Variants in CHLSN observed in about 807,000 individuals in gnomAD.
CHLSN encodes the protein cholesin.
the CHLSN span, among the ~76,000 whole-genome samples, chr7:1,082,881 T>A: frequency 3.9e-5 from 6 of 152,160 alleles, no homozygotes; most frequent in African/African-American, 1.4e-4. Flanking sequence ...TTTGCATTTA[T>A]CCAAAGAAAG....
chr7:1,016,978 A>AGCAGCGCACG, the CHLSN span, among the ~76,000 whole-genome samples: 1 of 64,528 alleles, frequency 1.5e-5, no homozygotes, highest in African/African-American at 9.0e-5. Flanking sequence ...GCCAGCACAC[A>AGCAGCGCACG]CCAGCGCACA....
chr7:1,041,906 CG>C, the CHLSN span, among the ~76,000 whole-genome samples: 4 of 152,106 alleles, frequency 2.6e-5, no homozygotes, highest in African/African-American at 9.7e-5. Flanking sequence ...GCTGACCTTC[CG>C]GACCGCCACT....
At chr7:1,126,826 G>A in the CHLSN span, among the ~76,000 whole-genome samples, 2 of 152,146 alleles carry the variant, frequency 1.3e-5, no homozygotes, top group Admixed American at 6.5e-5. Context: ...ATTTTCAAAC[G>A]GACAATAATC....
chr7:1,019,175 T>TA, the CHLSN span, among the ~76,000 whole-genome samples: 7 of 104,342 alleles, frequency 6.7e-5, no homozygotes, highest in Admixed American at 1.5e-4. Context: ...GCCTGGGCAA[T>TA]AGAGTGAGAC....
the CHLSN span, among the ~76,000 whole-genome samples, chr7:1,130,637 C>T: frequency 3.9e-5 from 6 of 152,282 alleles, no homozygotes; most frequent in East Asian, 7.7e-4. Context: ...CCTCTGCCGC[C>T]CCCACTGGGT....
At chr7:1,000,874 G>A in the CHLSN span, among the ~76,000 whole-genome samples, 2 of 152,332 alleles carry the variant, frequency 1.3e-5, no homozygotes, top group African/African-American at 4.8e-5. Context: ...GGGGAAGGAT[G>A]AAGTGAGTTT....
chr7:1,015,556 C>T, the CHLSN span, among the ~76,000 whole-genome samples: 1 of 152,212 alleles, frequency 6.6e-6, no homozygotes, highest in African/African-American at 2.4e-5. Context: ...GGGAGCAGAG[C>T]CTTCACCTAA....
chr7:1,052,974 A>G, the CHLSN span, among the ~76,000 whole-genome samples: 2 of 152,176 alleles, frequency 1.3e-5, no homozygotes, highest in African/African-American at 4.8e-5. The surrounding 1 kb of genome is among the most constrained non-coding windows in gnomAD (Gnocchi z 4.2). Context: ...CCCAGCCTCT[A>G]AGTCTCCCAT....
At chr7:1,070,792 C>A in the CHLSN span, among the ~76,000 whole-genome samples, 1 of 142,814 alleles carries the variant, frequency 7.0e-6, no homozygotes, top group East Asian at 2.0e-4. Context: ...CACGGACACG[C>A]ACGTGCACAC....
chr7:998,457 C>CTTTTTTTTTTTTTTTTT, the CHLSN span, among the ~76,000 whole-genome samples: 1 of 95,012 alleles, frequency 1.1e-5, no homozygotes, highest in Non-Finnish European at 2.0e-5. Flanking sequence ...GTCTTAGATT[C>CTTTTTTTTTTTTTTTTT]TTTTTTTTTT....
chr7:1,099,465 C>T, the CHLSN span, among the ~76,000 whole-genome samples: 1 of 152,258 alleles, frequency 6.6e-6, no homozygotes, highest in Non-Finnish European at 1.5e-5. Flanking sequence ...TAGACGCCAT[C>T]CAGCATTTAT....
chr7:979,812 T>G, the CHLSN span, among the ~76,000 whole-genome samples: 1 of 152,066 alleles, frequency 6.6e-6, no homozygotes, highest in African/African-American at 2.4e-5. Flanking sequence ...GGGACATTCT[T>G]CCAGGGGGCG....
chr7:1,091,823 A>G, the CHLSN span: 2 of 1,601,230 alleles, frequency 1.2e-6, no homozygotes, highest in Non-Finnish European at 1.7e-6. Context: ...CCCGAGCTCA[A>G]CCTGTCCCAC....
chr7:987,244 G>A, the CHLSN span: 1 of 1,522,200 alleles, frequency 6.6e-7, no homozygotes, highest in African/African-American at 1.4e-5. Context: ...CGGACGTGCA[G>A]GGTGAGACCC....
chr7:1,131,068 G>C, the CHLSN span, among the ~76,000 whole-genome samples: 16 of 152,068 alleles, frequency 1.1e-4, no homozygotes, highest in African/African-American at 3.9e-4. Context: ...GTGCACACCT[G>C]TGGTCCCAGC....
the CHLSN span, among the ~76,000 whole-genome samples, chr7:1,132,326 T>C: frequency 6.6e-6 from 1 of 151,880 alleles, no homozygotes; most frequent in Non-Finnish European, 1.5e-5. Flanking sequence ...GGCAGGAGGA[T>C]CACTTGAGGC....
chr7:1,128,679 C>G, the CHLSN span, among the ~76,000 whole-genome samples: 2 of 25,362 alleles, frequency 7.9e-5, no homozygotes, highest in African/African-American at 5.5e-4. Flanking sequence ...AATCTCGGCT[C>G]ATCCCACCGT....
the CHLSN span, chr7:1,010,004 TG>T: frequency 6.3e-7 from 1 of 1,599,216 alleles, no homozygotes. Flanking sequence ...AGGCGGGTGC[TG>T]GGCCACAAGG....
At chr7:1,101,095 CCT>C in the CHLSN span, among the ~76,000 whole-genome samples, 5 of 152,268 alleles carry the variant, frequency 3.3e-5, no homozygotes, top group Non-Finnish European at 4.4e-5. Context: ...CATGGTGGCC[CCT>C]GAGGTGACAC....
Sources: gnomAD v4.1 joint callset for allele counts (sites outside exome capture counted in the v4.1 genomes callset) on GRCh38, gnomAD v4.1.1 for gene constraint, Gnocchi (gnomAD v3.1) non-coding constraint, MANE v1.5 for transcripts, NCBI Gene and HGNC (gene_info 2026-07-23, HGNC 2026-07-21) for gene names.